ZNF721: variants seen among roughly 807,000 people sequenced by gnomAD.
The protein encoded by ZNF721 is zinc finger protein 721.
ZNF721 carries 2 observed loss-of-function variants against 2.4 expected under a neutral mutation model. That is an observed-to-expected ratio of 0.82 (90% confidence interval 0.34 to 2.58). The LOEUF (loss-of-function observed/expected upper bound fraction) is 2.58, where lower values mean the gene tolerates loss of function less well. Ranked by LOEUF, ZNF721 falls within the 30% of genes most tolerant of loss-of-function variation. The pLI is 0.11. For synonymous variants in ZNF721, 398 were observed against 381.8 expected (o/e 1.04, Z -0.50); for missense variants, 1,187 against 1,085.5 (o/e 1.09, Z -1.31).
Position 441,605 on chromosome 4 carries a change from C to A in ZNF721, c.*90G>T. On this transcript the variant is annotated 3_prime_UTR_variant, in exon 3 of 3. Coordinates refer to ENST00000511833, the MANE Select transcript of ZNF721 (RefSeq NM_133474.4). ...ATTGAGGAGCATTTAAAGACCGCGA[C>A]ATTCGTCACCTTCGTAAGACATTCC... 1 of 1,113,380 alleles carries A rather than the reference C, an allele frequency of 9.0e-7. No homozygotes were observed. Among genetic ancestry groups the A allele is most frequent in the Non-Finnish European group, 1.3e-6 (1 of 792,986 alleles). 69.0% of individuals were successfully genotyped at this position (1,113,380 alleles called of 1,614,324 possible).
At chr4:486,362 G>A (rs1715897828) in intron 1 of ZNF721, among the ~76,000 whole-genome samples, 1 of 152,072 alleles carries the variant, frequency 6.6e-6, no homozygotes, top group Non-Finnish European at 1.5e-5. Context: ...GTTTCACCAT[G>A]TTAGCCAGCA....
intron 2 of ZNF721, among the ~76,000 whole-genome samples, chr4:465,873 C>T (rs553914753): frequency 1.4e-4 from 21 of 151,824 alleles, no homozygotes; most frequent in Admixed American, 6.5e-4. Context: ...CTCAACACTA[C>T]ACAAGGGAAG....
intron 2 of ZNF721, among the ~76,000 whole-genome samples, chr4:452,210 A>T (rs1403568456): frequency 6.6e-6 from 1 of 152,220 alleles, no homozygotes; most frequent in Non-Finnish European, 1.5e-5. Context: ...GGTAAAACTG[A>T]AGAACTAGTC....
intron 1 of ZNF721, among the ~76,000 whole-genome samples, chr4:497,910 A>C (rs532744964): frequency 2.2e-5 from 3 of 134,096 alleles, no homozygotes; most frequent in African/African-American, 7.9e-5. Flanking sequence ...AAACAAACCA[A>C]CAAAAAAAAA....
At chr4:484,665 G>A (rs182255886) in intron 1 of ZNF721, among the ~76,000 whole-genome samples, 2,591 of 152,276 alleles carry the variant, frequency 0.017, 78 homozygotes, top group African/African-American at 0.058. Flanking sequence ...ATTAGGAAGA[G>A]GAAATTCCCA....
chr4:466,317 G>C (rs1364401504), intron 2 of ZNF721, among the ~76,000 whole-genome samples: 1 of 152,122 alleles, frequency 6.6e-6, no homozygotes, highest in Non-Finnish European at 1.5e-5. Flanking sequence ...GGTTAAAATG[G>C]GGGGAAATCC....
intron 2 of ZNF721, among the ~76,000 whole-genome samples, chr4:464,215 A>G (rs1377303024): frequency 2.6e-5 from 4 of 152,196 alleles, no homozygotes; most frequent in Non-Finnish European, 5.9e-5. Context: ...GCACACCTGT[A>G]ATCCCAGCAC....
Position 443,427 on chromosome 4 carries a change from T to C in ZNF721, c.1040A>G (p.Asn347Ser), listed in dbSNP as rs1553863646. The change falls in exon 3 of 3, where the codon AAC becomes AGC. Residue 347 changes from asparagine (N) to serine (S), a missense_variant. Asn to Ser is a conservative substitution (Grantham distance 46, BLOSUM62 1). Transcript: ENST00000511833. ...ECGKTFRQSA[N>S]LYVHRRIHTG... Reference sequence around the variant, plus strand: ...ATGAATTCTCCTATGTACGTAAAGGTTTGCGGACTGTCTAAAGGTTTTGCC... The same window carrying C: ...ATGAATTCTCCTATGTACGTAAAGGCTTGCGGACTGTCTAAAGGTTTTGCC... 1.2e-6 allele frequency: 2 copies of C among 1,612,014 alleles called. No homozygotes were observed. Among genetic ancestry groups the C allele is most frequent in the Admixed American group, 1.7e-5 (1 of 59,924 alleles).
intron 1 of ZNF721, among the ~76,000 whole-genome samples, chr4:489,310 C>T (rs1715968814): frequency 6.6e-6 from 1 of 152,178 alleles, no homozygotes; most frequent in South Asian, 2.1e-4. Flanking sequence ...CATAAAAGAC[C>T]CAGAACTCAG....
intron 1 of ZNF721, among the ~76,000 whole-genome samples, chr4:481,048 A>G (rs1253103509): frequency 6.6e-6 from 1 of 152,134 alleles, no homozygotes; most frequent in Non-Finnish European, 1.5e-5. Context: ...CAGCCATCCA[A>G]GTAACTGGGA....
At chr4:467,400 A>G (rs573540606) in intron 2 of ZNF721, among the ~76,000 whole-genome samples, 1 of 152,366 alleles carries the variant, frequency 6.6e-6, no homozygotes, top group East Asian at 1.9e-4. Context: ...CAAAGTGACA[A>G]TGTATGATTC....
At chr4:460,405 CCTACTAGAATCT>C (rs1204151105) in intron 2 of ZNF721, among the ~76,000 whole-genome samples, 2 of 152,060 alleles carry the variant, frequency 1.3e-5, no homozygotes, top group Non-Finnish European at 2.9e-5. Flanking sequence ...AAAGACACAA[CCTACTAGAATCT>C]CTGGTACACA....
Position 494,213 on chromosome 4 carries a change from GCT to G in ZNF721, c.-94+4841_-94+4842del, listed in dbSNP as rs1321005415. Among the ~76,000 whole-genome samples, 7 of 144,516 alleles carry G rather than the reference GCT, an allele frequency of 4.8e-5. No homozygotes were observed. The East Asian group carries it at 1.4e-3, about 29-fold the overall frequency. The allele number at this position is 144,516 out of a possible 152,430, so 94.8% of individuals were successfully genotyped here. On this transcript the variant is annotated intron_variant, in intron 1 of 2. Coordinates refer to ENST00000511833, the MANE Select transcript of ZNF721 (RefSeq NM_133474.4). Reference sequence around the variant, plus strand: ...TTTTTTTTTTTTGAGACGGAATCTCGCTCTGTCACCCAGGCTGGAGTGCAGTG... The same window carrying G: ...TTTTTTTTTTTTGAGACGGAATCTCGCTGTCACCCAGGCTGGAGTGCAGTG...
Position 443,232 on chromosome 4 carries a change from G to C in ZNF721, c.1235C>G (p.Thr412Ser). 1 of 1,613,880 alleles carries C rather than the reference G, an allele frequency of 6.2e-7. No homozygotes were observed. The highest frequency in any genetic ancestry group is 8.5e-7 in the Non-Finnish European group (1 of 1,179,906). Reference protein sequence around the residue: ...TNLTAHKRIHTREKPYTCEDR... With the variant: ...TNLTAHKRIHSREKPYTCEDR... ...TTCACATGTGTAGGGTTTCTCTCTG[G>C]TGTGAATTCTCTTATGTGCAGTAAG... is the stretch of plus-strand genomic sequence containing the variant. The change falls in exon 3 of 3, where the codon ACC becomes AGC. Residue 412 changes from threonine (T) to serine (S), a missense_variant. Physicochemically the swap from Thr to Ser is moderately conservative, Grantham distance 58 (BLOSUM62 1). Coordinates refer to ENST00000511833, the MANE Select transcript of ZNF721 (RefSeq NM_133474.4).
chr4:480,784 T>G (rs1715751412), intron 1 of ZNF721, among the ~76,000 whole-genome samples: 2 of 141,526 alleles, frequency 1.4e-5, no homozygotes, highest in South Asian at 5.1e-4. Context: ...CTTTATCCAT[T>G]TATCTATCAA....
rs782036492 is a variant in ZNF721, at chr4:472,672, T to C, written c.-64A>G. On this transcript the variant is annotated 5_prime_UTR_variant, in exon 2 of 3. In the 5' UTR this introduces an upstream ATG that the reference lacks. Coordinates refer to ENST00000511833, the MANE Select transcript of ZNF721 (RefSeq NM_133474.4). ...ATTTCCACTCTTCTGGAGAGAATTC[T>C]ATGGCCACATCCCTGAATGTTAAGG... 6.2e-7 allele frequency: 1 copy of C among 1,613,708 alleles called. No homozygotes were observed.
chr4:492,362 C>A (rs552708086), intron 1 of ZNF721, among the ~76,000 whole-genome samples: 2 of 152,014 alleles, frequency 1.3e-5, no homozygotes, highest in African/African-American at 2.4e-5. Flanking sequence ...CCCGTTAGAC[C>A]TCTAAGAAAA....
chr4:444,051 C>G lies in ZNF721; in HGVS notation c.416G>C (p.Cys139Ser). ...TCCAAAGTCTTTGCCACGTTCTTCA[C>G]AAGTGTAGGGTTTCTCTCCAGCATG... ...GIHAGEKPYT[C>S]EERGKDFGWY... The change falls in exon 3 of 3, where the codon TGT becomes TCT. Residue 139 changes from cysteine (C) to serine (S), a missense_variant. Transcript: ENST00000511833. 1 of 1,613,836 alleles carries G rather than the reference C, an allele frequency of 6.2e-7. No homozygotes were observed. The highest frequency in any genetic ancestry group is 8.5e-7 in the Non-Finnish European group (1 of 1,179,778).
At chr4:474,926 C>A (rs1337146427) in intron 1 of ZNF721, among the ~76,000 whole-genome samples, 1 of 151,986 alleles carries the variant, frequency 6.6e-6, no homozygotes, top group African/African-American at 2.4e-5. Context: ...CAGTGGCTCA[C>A]GCCTGTAATC....
Sources: gnomAD v4.1 joint callset for allele counts (sites outside exome capture counted in the v4.1 genomes callset) on GRCh38, gnomAD v4.1.1 for gene constraint, MANE v1.5 for transcripts, NCBI Gene and HGNC (gene_info 2026-07-23, HGNC 2026-07-21) for gene names.